The following C1orf141 variants were observed in gnomAD, a reference collection of about 807,000 sequenced individuals.
The protein encoded by C1orf141 is uncharacterized protein C1orf141.
C1orf141 carries 19 observed loss-of-function variants against 23.2 expected under a neutral mutation model. The ratio of observed to expected loss-of-function variants is 0.82; its 90% CI spans 0.57 to 1.20. The LOEUF (loss-of-function observed/expected upper bound fraction) is 1.20. Ranked by LOEUF, C1orf141 falls within the 50% of genes most tolerant of loss-of-function variation. The probability of loss-of-function intolerance (pLI) is 0.00; values close to 1 mark genes in which losing one functional copy is unlikely to be tolerated. For synonymous variants in C1orf141, 153 were observed against 154.6 expected, an observed-to-expected ratio of 0.99 and a Z score of 0.08; for missense variants, 469 against 455.1, an observed-to-expected ratio of 1.03 and a Z score of -0.28.
intron 4 of C1orf141, chr1:67,123,205 C>CAAAA (rs959252143): frequency 3.5e-5 from 2 of 57,896 alleles, no homozygotes; most frequent in East Asian, 1.5e-3. Context: ...GACTCTATCT[C>CAAAA]AAAAAAAAAA....
upstream of C1orf141, among the ~76,000 whole-genome samples, chr1:67,135,389 A>T (rs1224623095): frequency 6.6e-6 from 1 of 152,094 alleles, no homozygotes; most frequent in Admixed American, 6.6e-5. Context: ...ATGGCTTATG[A>T]TATTAAAAAC....
chr1:67,095,376 T>C lies in C1orf141; in HGVS notation c.462A>G (p.Lys154=). 6.4e-7 allele frequency: 1 copy of C among 1,562,516 alleles called. No individual in the cohort carries two copies. Among genetic ancestry groups the C allele is most frequent in the East Asian group, 2.2e-5 (1 of 44,618 alleles). Residue 154 remains lysine, a synonymous_variant, in exon 7 of 8, where the codon AAA becomes AAG. Coordinates refer to ENST00000684719, the MANE Select transcript of C1orf141 (RefSeq NM_001276351.2). ...QMNDFNIKEN[K]SVRNYQLSKY... ...TACTTAATTGATAATTTCTGACCGA[T>C]TTGTTTTCTTTTATATTAAAATCGT...
chr1:67,139,865 G>A (rs1646619559), upstream of C1orf141, among the ~76,000 whole-genome samples: 1 of 152,136 alleles, frequency 6.6e-6, no homozygotes, highest in Admixed American at 6.6e-5. Context: ...AAAGGTTCTT[G>A]GGTCATAAGG....
At chr1:67,134,135 G>C (rs1049834629) in intron 1 of C1orf141, among the ~76,000 whole-genome samples, 5 of 151,994 alleles carry the variant, frequency 3.3e-5, no homozygotes, top group East Asian at 1.9e-4. Context: ...TCCCCAGTAG[G>C]TGGGACTACA....
chr1:67,111,693 T>G, intron 5 of C1orf141: 1 of 831,902 alleles, frequency 1.2e-6, no homozygotes, highest in Non-Finnish European at 1.8e-6. Context: ...TACTTCTAAT[T>G]AAACCCAATC....
intron 5 of C1orf141, among the ~76,000 whole-genome samples, chr1:67,114,707 G>A (rs1046551278): frequency 6.6e-6 from 1 of 152,076 alleles, no homozygotes; most frequent in Non-Finnish European, 1.5e-5. Flanking sequence ...ATGGAGTCTC[G>A]CTCTTGTCAC....
At chr1:67,111,365 A>G (rs1646068343) in intron 5 of C1orf141, among the ~76,000 whole-genome samples, 1 of 152,100 alleles carries the variant, frequency 6.6e-6, no homozygotes, top group Non-Finnish European at 1.5e-5. Flanking sequence ...TCTCTACTGT[A>G]TTGAAATATC....
At chr1:67,105,211 A>G (rs1645895211) in intron 5 of C1orf141, among the ~76,000 whole-genome samples, 1 of 151,544 alleles carries the variant, frequency 6.6e-6, no homozygotes, top group Non-Finnish European at 1.5e-5. Context: ...CTATAGTCCC[A>G]ACTACTCGGG....
intron 5 of C1orf141, among the ~76,000 whole-genome samples, chr1:67,113,127 G>C (rs1303457826): frequency 6.6e-6 from 1 of 151,946 alleles, no homozygotes; most frequent in Non-Finnish European, 1.5e-5. Context: ...TTACAAGTGT[G>C]CACCACCACA....
chr1:67,109,344 A>C (rs1646014396), intron 5 of C1orf141, among the ~76,000 whole-genome samples: 1 of 151,248 alleles, frequency 6.6e-6, no homozygotes, highest in Non-Finnish European at 1.5e-5. Context: ...AAAAAAAAAA[A>C]AAAAAAAAAA....
intron 1 of C1orf141, among the ~76,000 whole-genome samples, chr1:67,134,583 G>T (rs572785310): frequency 1.2e-4 from 18 of 152,204 alleles, no homozygotes; most frequent in African/African-American, 4.3e-4. Context: ...CCTCCATCTC[G>T]CTGGAAACAT....
At chr1:67,121,326 A>G (rs1039587627) in intron 4 of C1orf141, among the ~76,000 whole-genome samples, 1 of 152,198 alleles carries the variant, frequency 6.6e-6, no homozygotes, top group Non-Finnish European at 1.5e-5. Context: ...TTTTGGTAAG[A>G]CTTACTTTTA....
intron 5 of C1orf141, 65 bp from the exon 6 acceptor site, chr1:67,096,386 C>T: frequency 1.2e-6 from 1 of 812,440 alleles, no homozygotes; most frequent in Non-Finnish European, 2.0e-6. Flanking sequence ...AAATATCTTG[C>T]ACAAAATATT....
chr1:67,137,788 T>C (rs773104011), upstream of C1orf141, among the ~76,000 whole-genome samples: 5 of 152,252 alleles, frequency 3.3e-5, no homozygotes, highest in Non-Finnish European at 7.3e-5. Flanking sequence ...CAAGAGAGTC[T>C]TTCCTATAAA....
chr1:67,140,014 T>A (rs1274106339), intron 1 of C1orf141, among the ~76,000 whole-genome samples: 1 of 152,192 alleles, frequency 6.6e-6, no homozygotes, highest in Non-Finnish European at 1.5e-5. Context: ...TGTGATGCCC[T>A]GTGCCACCGT....
intron 6 of C1orf141, chr1:67,095,688 C>T (rs1558183748): frequency 2.3e-5 from 7 of 306,068 alleles, no homozygotes; most frequent in Non-Finnish European, 3.6e-5. Context: ...TTGAGGAGAA[C>T]ACCAAAGGTA....
chr1:67,102,883 A>G (rs2102432004), intron 5 of C1orf141: 1 of 156,840 alleles, frequency 6.4e-6, no homozygotes, highest in South Asian at 2.1e-4. Flanking sequence ...AAATATCTTT[A>G]CTGTTTAAGC....
At chr1:67,119,226 G>C (rs954359965) in intron 4 of C1orf141, among the ~76,000 whole-genome samples, 4 of 152,182 alleles carry the variant, frequency 2.6e-5, no homozygotes, top group African/African-American at 9.7e-5. Flanking sequence ...TGGATGGTAA[G>C]GGCCATTCTG....
intron 5 of C1orf141, chr1:67,111,457 T>G (rs1646070608): frequency 6.6e-6 from 3 of 451,674 alleles, no homozygotes; most frequent in South Asian, 6.0e-5. Flanking sequence ...CACTTTAACA[T>G]TTTATCATTT....
Sources: gnomAD v4.1 joint callset for allele counts (sites outside exome capture counted in the v4.1 genomes callset) on GRCh38, gnomAD v4.1.1 for gene constraint, MANE v1.5 for transcripts, NCBI Gene and HGNC (gene_info 2026-07-23, HGNC 2026-07-21) for gene names.